The following LINGO1 variants were observed in gnomAD, a reference collection of about 807,000 sequenced individuals.
LINGO1 encodes leucine rich repeat and Ig domain containing 1.
LINGO1 carries 11 observed loss-of-function variants against 37.3 expected under a neutral mutation model. That is an observed-to-expected ratio of 0.29 (90% CI 0.19 to 0.49). The LOEUF is 0.49. LINGO1 is among the 20% of genes least tolerant of loss of function. The pLI, the probability that LINGO1 is intolerant of heterozygous loss-of-function variation, is 0.99. For synonymous variants in LINGO1, 387 were observed against 403.0 expected, an observed-to-expected ratio of 0.96 and a Z score of 0.48; for missense variants, 585 against 878.2, an observed-to-expected ratio of 0.67 and a Z score of 4.22.
upstream of LINGO1, among the ~76,000 whole-genome samples, chr15:77,790,306 A>T (rs559038633): frequency 9.2e-5 from 14 of 152,360 alleles, no homozygotes; most frequent in Admixed American, 2.0e-4. Flanking sequence ...GGCACATAGT[A>T]GGTGCTTAGT....
chr15:77,701,500 A>C (rs1652515048), intron 2 of LINGO1, among the ~76,000 whole-genome samples: 2 of 152,124 alleles, frequency 1.3e-5, no homozygotes, highest in African/African-American at 4.8e-5. Flanking sequence ...CTTGTGATAT[A>C]GTTTGGGTGT....
At chr15:77,820,307 G>A (rs2077087253) in exon 1 of LINGO1, 1 of 152,292 alleles carries the variant, frequency 6.6e-6, no homozygotes, top group African/African-American at 2.4e-5. Context: ...ACCTCGCTGC[G>A]CGGGAACAGT....
intron 1 of LINGO1, among the ~76,000 whole-genome samples, chr15:77,786,485 C>T (rs1480151997): frequency 6.6e-6 from 1 of 152,216 alleles, no homozygotes; most frequent in Admixed American, 6.5e-5. Context: ...CTGGGGAGTG[C>T]CTGCGTGGCT....
At chr15:77,737,665 C>G (rs2076216386) in intron 1 of LINGO1, among the ~76,000 whole-genome samples, 1 of 151,788 alleles carries the variant, frequency 6.6e-6, no homozygotes, top group South Asian at 2.1e-4. Context: ...CTCAGTTTTG[C>G]CAAGCCCAAT....
chr15:77,631,406 G>C (rs1304798244), intron 1 of LINGO1, among the ~76,000 whole-genome samples: 1 of 152,122 alleles, frequency 6.6e-6, no homozygotes, highest in Non-Finnish European at 1.5e-5. Context: ...AAGAGGAGGT[G>C]CAGGCACAGT....
chr15:77,810,271 C>T (rs2076994049), intron 1 of LINGO1, among the ~76,000 whole-genome samples: 1 of 121,362 alleles, frequency 8.2e-6, no homozygotes, highest in Non-Finnish European at 2.0e-5. Flanking sequence ...CACACACTCA[C>T]ACACACATAC....
At chr15:77,747,450 C>T (rs1295522449) in intron 1 of LINGO1, among the ~76,000 whole-genome samples, 2 of 152,190 alleles carry the variant, frequency 1.3e-5, no homozygotes, top group African/African-American at 4.8e-5. Flanking sequence ...CAATCACTCC[C>T]CCTGCAAGCC....
At chr15:77,767,962 G>A (rs535476375) in intron 1 of LINGO1, among the ~76,000 whole-genome samples, 12 of 152,348 alleles carry the variant, frequency 7.9e-5, no homozygotes, top group African/African-American at 2.9e-4. Flanking sequence ...ACGTAGGGAA[G>A]TAAACACTCA....
intron 3 of LINGO1, among the ~76,000 whole-genome samples, chr15:77,672,327 C>T (rs992425893): frequency 4.6e-5 from 7 of 152,110 alleles, no homozygotes; most frequent in Non-Finnish European, 1.0e-4. Context: ...CCAGCCCCCA[C>T]TCAGTGTCCT....
intron 2 of LINGO1, among the ~76,000 whole-genome samples, chr15:77,707,200 A>G (rs11072663): frequency 0.5 from 75,936 of 152,056 alleles, 19,157 homozygotes; most frequent in Admixed American, 0.6. Flanking sequence ...GAGGGAGAAG[A>G]AAGAGGGAGA....
chr15:77,659,565 C>T (rs1413263373), intron 3 of LINGO1, among the ~76,000 whole-genome samples: 1 of 152,212 alleles, frequency 6.6e-6, no homozygotes, highest in Non-Finnish European at 1.5e-5. Context: ...TGAGACCACA[C>T]AGCAGTTGAA....
At chr15:77,725,891 C>G (rs117104971) in intron 2 of LINGO1, among the ~76,000 whole-genome samples, 3 of 152,180 alleles carry the variant, frequency 2.0e-5, no homozygotes, top group Non-Finnish European at 4.4e-5. Context: ...GTACATAGAG[C>G]GGCCGCCCCA....
At position 77,694,569 on chromosome 15, in the gene LINGO1, T is replaced by C. The variant is rs548397728; in HGVS notation, c.-281+1822A>G. Among the ~76,000 whole-genome samples the C allele has an allele frequency of 2.6e-5, 4 of 152,252 alleles. No homozygotes were observed. In the East Asian group the frequency reaches 5.8e-4, roughly 22 times the overall value. On this transcript the variant is annotated intron_variant, in intron 1 of 3. Coordinates refer to the LINGO1 transcript ENST00000559893. ...TCCCATCCCTGGAGGTTAGAGGCAC[T>C]CTTTGCCCTCTGCCCCAAAACTTGA...
At position 77,724,247 on chromosome 15, in the gene LINGO1, T is replaced by A. The variant is rs996885352; in HGVS notation, c.-195+10745A>T. ...ACATGCACACATACAGATGCACACA[T>A]GACTGAAGCCTGTCTGCACCGACTC... On this transcript the variant is annotated intron_variant, in intron 2 of 3. Transcript: ENST00000561686. Among the ~76,000 whole-genome samples, 19 of 152,268 alleles carry A rather than the reference T, an allele frequency of 1.2e-4. No homozygotes were observed. The South Asian group carries it at 1.9e-3, about 15-fold the overall frequency.
intron 1 of LINGO1, among the ~76,000 whole-genome samples, chr15:77,758,078 C>T (rs898470122): frequency 4.6e-5 from 7 of 152,170 alleles, no homozygotes; most frequent in Admixed American, 1.3e-4. Context: ...GTCAACAGCT[C>T]GCCCCTCCCT....
upstream of LINGO1, among the ~76,000 whole-genome samples, chr15:77,638,550 A>T (rs564404896): frequency 5.3e-5 from 8 of 152,340 alleles, no homozygotes; most frequent in Admixed American, 4.6e-4. Flanking sequence ...TAATGTGTGC[A>T]AACAGGCAGC....
chr15:77,724,293 G>A (rs990475142), intron 2 of LINGO1, among the ~76,000 whole-genome samples: 1 of 152,234 alleles, frequency 6.6e-6, no homozygotes, highest in Non-Finnish European at 1.5e-5. Flanking sequence ...GCTTTTGAGG[G>A]GTCCAGAGCA....
At chr15:77,794,858 A>G (rs72730735) in intron 2 of LINGO1, among the ~76,000 whole-genome samples, 29,188 of 151,820 alleles carry the variant, frequency 0.19, 3,153 homozygotes, top group Admixed American at 0.33. Context: ...CCAAAGCAGA[A>G]ATATTTTGAT....
chr15:77,767,337 G>A (rs968221024), intron 1 of LINGO1, among the ~76,000 whole-genome samples: 7 of 152,202 alleles, frequency 4.6e-5, no homozygotes, highest in Middle Eastern at 3.4e-3. Context: ...ATCTCCATTC[G>A]GAATTCTACA....
Sources: gnomAD v4.1 joint callset for allele counts (sites outside exome capture counted in the v4.1 genomes callset) on GRCh38, gnomAD v4.1.1 for gene constraint, MANE v1.5 for transcripts, NCBI Gene and HGNC (gene_info 2026-07-23, HGNC 2026-07-21) for gene names.